The following RETSAT variants were observed in gnomAD, a reference collection of about 807,000 sequenced individuals.
RETSAT encodes retinol saturase, also known as all-trans-retinol 13,14-reductase.
A neutral mutation model predicts 61.6 loss-of-function variants in RETSAT; 35 were observed. That is an observed-to-expected ratio of 0.57 (90% confidence interval 0.43 to 0.75). The LOEUF (loss-of-function observed/expected upper bound fraction) is 0.75. Among genes scored for constraint, RETSAT ranks in the 30% least tolerant of loss-of-function variants. The pLI, the probability that RETSAT is intolerant of heterozygous loss-of-function variation, is 0.00. For missense variants in RETSAT, 670 were observed against 759.5 expected (o/e 0.88, Z 1.38); for synonymous variants, 277 against 310.4 (o/e 0.89, Z 1.13).
intron 2 of RETSAT, among the ~76,000 whole-genome samples, chr2:85,351,245 G>T (rs1340120852): frequency 6.6e-6 from 1 of 152,126 alleles, no homozygotes; most frequent in Non-Finnish European, 1.5e-5. Flanking sequence ...CTGCCCAGAG[G>T]CTGGGCACGG....
chr2:85,343,793 C>G lies in RETSAT; in HGVS notation c.1539G>C (p.Glu513Asp), dbSNP rs776541399. The G allele has an allele frequency of 2.5e-6, 4 of 1,613,776 alleles. No homozygotes were observed. Among genetic ancestry groups the G allele is most frequent in the Admixed American group, 1.7e-5 (1 of 59,992 alleles). ...KLFPQLEGKVESVTAGSPLTN... is the reference protein window; with the variant it reads ...KLFPQLEGKVDSVTAGSPLTN... The stretch of plus-strand genomic sequence containing the variant: ...TGAGTGGGGATCCTGCAGTCACACT[C>G]TCCACCTGAGGGCAGAAAGGGTGGG... Residue 513 changes from glutamate to aspartate, a missense_variant, in exon 10 of 11, where the codon GAG becomes GAC. Transcript: ENST00000295802.
rs1683301415 is a variant in RETSAT, at chr2:85,351,667, A to C, written c.355+13T>G. On this transcript the variant is annotated intron_variant, in intron 2 of 10. Coordinates refer to ENST00000295802, the MANE Select transcript of RETSAT (RefSeq NM_017750.4). The stretch of plus-strand genomic sequence containing the variant: ...ACAGCCATGCTCCCAACCCTTTTCC[A>C]CACAAGCCTTACCTGTGTCAAATTC... 1 of 1,611,132 alleles carries C rather than the reference A, an allele frequency of 6.2e-7. No individual in the cohort carries two copies. The highest frequency in any genetic ancestry group is 1.1e-5 in the South Asian group (1 of 90,806).
chr2:85,347,807 C>T (rs562369572), intron 5 of RETSAT, among the ~76,000 whole-genome samples: 33 of 152,336 alleles, frequency 2.2e-4, no homozygotes, highest in Admixed American at 2.1e-3. Context: ...CAGAGAAAAC[C>T]TTGCCCAACC....
Position 85,346,620 on chromosome 2 carries a change from G to T in RETSAT, c.998-526C>A, listed in dbSNP as rs74540864. Among the ~76,000 whole-genome samples the T allele has an allele frequency of 5.0e-3, 755 of 152,134 alleles. 7 individuals carry two copies. Among genetic ancestry groups the T allele is most frequent in the African/African-American group, 0.017 (721 of 41,472 alleles). On this transcript the variant is annotated intron_variant, in intron 5 of 10. Transcript: ENST00000295802. ...AGAACAAAAAAATTTAAATTAAGCT[G>T]TATGGAGTTGTGCACACCTGTAGTC...
At chr2:85,343,960 C>G (rs757014736) in intron 9 of RETSAT, 39 bp downstream of exon 9, 3 of 1,608,940 alleles carry the variant, frequency 1.9e-6, no homozygotes, top group East Asian at 4.5e-5. Context: ...GAAACAGCAC[C>G]GTGAGGTTCG....
chr2:85,351,428 C>T, intron 2 of RETSAT: 1 of 472,638 alleles, frequency 2.1e-6, no homozygotes, highest in Non-Finnish European at 3.8e-6. Context: ...GTAATCCCAG[C>T]CACTCGGGAG....
At chr2:85,345,286 C>CATGCGGAA (rs1453637288) in intron 6 of RETSAT, among the ~76,000 whole-genome samples, 1 of 152,174 alleles carries the variant, frequency 6.6e-6, no homozygotes. Flanking sequence ...ACCCAGTCCC[C>CATGCGGAA]ATGCGGAAAG....
rs2104430779 is a variant in RETSAT at position 85,342,725 on chromosome 2, C to G, written c.*517G>C. 1 of 155,316 alleles carries G rather than the reference C, an allele frequency of 6.4e-6. No individual in the cohort carries two copies. Among genetic ancestry groups the G allele is most frequent in the East Asian group, 1.9e-4 (1 of 5,378 alleles). 9.6% of individuals were successfully genotyped at this position (155,316 alleles called of 1,614,324 possible). A position where few individuals can be genotyped will look rare whatever the true frequency, so the allele number is the denominator to read the frequency against. The stretch of plus-strand genomic sequence containing the variant: ...CAGCACAAAAGAGATCTAGAGCTCT[C>G]CAAACCTATGGAATGGCAACCAAAA... On this transcript the variant is annotated 3_prime_UTR_variant, in exon 11 of 11. Coordinates refer to ENST00000295802, the MANE Select transcript of RETSAT (RefSeq NM_017750.4).
Position 85,343,277 on chromosome 2 carries a change from C to T in RETSAT, c.1798G>A (p.Asp600Asn). ...RNLYSDLKNLDSRIRAQKKKN is the reference protein window; with the variant it reads ...RNLYSDLKNLNSRIRAQKKKN The stretch of plus-strand genomic sequence containing the variant: ...TTCTTCTGTGCCCGGATCCTAGAAT[C>T]AAGATTCTTAAGGTCTGAGTACAAG... Residue 600 changes from aspartate (D) to asparagine (N), a missense_variant, in exon 11 of 11, where the codon GAT becomes AAT. Transcript: ENST00000295802. 6.2e-7 allele frequency: 1 copy of T among 1,614,278 alleles called. No individual in the cohort carries two copies. The highest frequency in any genetic ancestry group is 8.5e-7 in the Non-Finnish European group (1 of 1,180,038).
Position 85,350,866 on chromosome 2 carries a change from T to G in RETSAT, c.511A>C (p.Ser171Arg). ...CCCTGAATGTAGGCTTTCTCTCCAC[T>G]GTACATGGGGTACTCCTTTCGGCCA... ...PNGRKEYPMYSGEKAYIQGLK... is the reference protein window; with the variant it reads ...PNGRKEYPMYRGEKAYIQGLK... The change falls in exon 3 of 11, where the codon AGT becomes CGT. Residue 171 changes from serine to arginine, a missense_variant. Physicochemically the swap from Ser to Arg is moderately radical, Grantham distance 110. Coordinates refer to ENST00000295802, the MANE Select transcript of RETSAT (RefSeq NM_017750.4). The G allele has an allele frequency of 6.2e-7, 1 of 1,614,234 alleles. No individual in the cohort carries two copies. Among genetic ancestry groups the G allele is most frequent in the Non-Finnish European group, 8.5e-7 (1 of 1,180,040 alleles).
Position 85,342,998 on chromosome 2 carries a change from A to G in RETSAT, c.*244T>C. The G allele has an allele frequency of 2.4e-6, 1 of 415,526 alleles. No homozygotes were observed. The highest frequency in any genetic ancestry group is 4.1e-5 in the East Asian group (1 of 24,680). The allele number at this position is 415,526 out of a possible 1,614,324, so 25.7% of individuals were successfully genotyped here. ...CATGAGACATCAAGCTATCCAAGTC[A>G]ATATCCTATTAGTAGGGATGGCATG... On this transcript the variant is annotated 3_prime_UTR_variant, in exon 11 of 11. Coordinates refer to ENST00000295802, the MANE Select transcript of RETSAT (RefSeq NM_017750.4).
chr2:85,344,954 G>C (rs1179791033), intron 6 of RETSAT, among the ~76,000 whole-genome samples: 3 of 152,222 alleles, frequency 2.0e-5, no homozygotes, highest in African/African-American at 7.2e-5. Context: ...ACAGTGAGAG[G>C]GGGGCGGGAG....
Position 85,351,827 on chromosome 2 carries a change from C to T in RETSAT, c.208G>A (p.Val70Met), listed in dbSNP as rs1558684191. The T allele has an allele frequency of 6.2e-7, 1 of 1,614,152 alleles. No homozygotes were observed. The highest frequency in any genetic ancestry group is 2.2e-5 in the East Asian group (1 of 44,894). The change falls in exon 2 of 11, where the codon GTG becomes ATG. Residue 70 changes from valine (V) to methionine (M), a missense_variant. By Grantham distance (21) the Val-to-Met change is conservative. Coordinates refer to ENST00000295802, the MANE Select transcript of RETSAT (RefSeq NM_017750.4). ...CCAAAGCCACTGCCAATTACCACCA[C>T]ATCCAGCTTCTCCGGCACTTGGTTG... Reference protein sequence around the residue: ...SANQVPEKLDVVVIGSGFGGL... With the variant: ...SANQVPEKLDMVVIGSGFGGL...
In RETSAT at chr2:85,350,094, G is replaced by A; in HGVS notation, c.745C>T (p.Leu249=). ...TQSLAEVLQQ[L]GASSELQAVL... ...GCCTGGAGCTCAGAGGAGGCCCCCA[G>A]CTGCTGCAGGACCTCAGCCAGGCTC... The change falls in exon 4 of 11, where the codon CTG becomes TTG. Residue 249 remains leucine (L), a synonymous_variant. Transcript: ENST00000295802. 6.2e-7 allele frequency: 1 copy of A among 1,613,996 alleles called. No individual in the cohort carries two copies. Among genetic ancestry groups the A allele is most frequent in the Non-Finnish European group, 8.5e-7 (1 of 1,180,032 alleles).
At chr2:85,343,970 G>T (rs117202378) in intron 9 of RETSAT, 29 bp downstream of exon 9, 2 of 1,611,360 alleles carry the variant, frequency 1.2e-6, no homozygotes, top group African/African-American at 2.7e-5. Context: ...CGTGAGGTTC[G>T]TCACCACCCC....
chr2:85,350,088 C>A lies in RETSAT; in HGVS notation c.751G>T (p.Ala251Ser). Residue 251 changes from alanine (A) to serine (S), a missense_variant, in exon 4 of 11, where the codon GCC becomes TCC. Physicochemically the swap from Ala to Ser is moderately conservative, Grantham distance 99. Transcript: ENST00000295802. ...AGTACTGCCTGGAGCTCAGAGGAGG[C>A]CCCCAGCTGCTGCAGGACCTCAGCC... ...SLAEVLQQLG[A>S]SSELQAVLSY... is the part of the protein sequence containing the mutation. The A allele has an allele frequency of 6.2e-7, 1 of 1,613,906 alleles. No homozygotes were observed. Among genetic ancestry groups the A allele is most frequent in the Non-Finnish European group, 8.5e-7 (1 of 1,180,012 alleles).
chr2:85,344,017 G>C lies in RETSAT; in HGVS notation c.1515C>G (p.Phe505Leu), dbSNP rs1683138492. The C allele has an allele frequency of 1.9e-6, 3 of 1,613,966 alleles. No individual in the cohort carries two copies. The highest frequency in any genetic ancestry group is 2.5e-6 in the Non-Finnish European group (3 of 1,180,014). ...CCCCTACCTTCCCCTCCAGCTGTGG[G>C]AACAGTTTCAGGACCACTGACATAG... Reference protein sequence around the residue: ...EASMSVVLKLFPQLEGKVESV... With the variant: ...EASMSVVLKLLPQLEGKVESV... Residue 505 changes from phenylalanine to leucine, a missense_variant, in exon 9 of 11, where the codon TTC becomes TTG. Coordinates refer to ENST00000295802, the MANE Select transcript of RETSAT (RefSeq NM_017750.4).
intron 2 of RETSAT, 33 bp from the exon 3 acceptor site, chr2:85,351,054 G>A: frequency 1.2e-6 from 2 of 1,611,538 alleles, no homozygotes. Context: ...GGTAGTAAAG[G>A]GATATGGGGA....
rs1268415545 is a variant in RETSAT at position 85,342,902 on chromosome 2, T to A, written c.*340A>T. On this transcript the variant is annotated 3_prime_UTR_variant, in exon 11 of 11. Transcript: ENST00000295802. ...GCTGACAACACTGCCAGGGGTTCTA[T>A]CCACAGATGGAATATTCGCTTTGAT... The A allele has an allele frequency of 1.1e-5, 3 of 264,974 alleles. No homozygotes were observed. The highest frequency in any genetic ancestry group is 2.3e-5 in the Non-Finnish European group (3 of 131,408). The allele number at this position is 264,974 out of a possible 1,614,324, so 16.4% of individuals were successfully genotyped here.
Sources: gnomAD v4.1 joint callset for allele counts (sites outside exome capture counted in the v4.1 genomes callset) on GRCh38, gnomAD v4.1.1 for gene constraint, MANE v1.5 for transcripts, NCBI Gene and HGNC (gene_info 2026-07-23, HGNC 2026-07-21) for gene names.